The following AP3D1 variants were observed in gnomAD, a reference collection of about 807,000 sequenced individuals.
AP3D1 encodes AP-3 complex subunit delta-1.
AP3D1 carries 51 observed loss-of-function variants against 147.6 expected under a neutral mutation model. The observed-to-expected ratio is 0.35, with a 90% CI of 0.28 to 0.44. The LOEUF is 0.44. Ranked by LOEUF, AP3D1 falls within the 20% of genes least tolerant of loss-of-function variation. AP3D1 has a pLI of 1.00. For synonymous variants in AP3D1, 760 were observed against 663.0 expected (o/e 1.15, Z -2.25); for missense variants, 1,421 against 1,624.2 (o/e 0.87, Z 2.15).
At chr19:2,160,143 C>T (rs921287259) in intron 1 of AP3D1, among the ~76,000 whole-genome samples, 26 of 152,316 alleles carry the variant, frequency 1.7e-4, no homozygotes, top group African/African-American at 6.3e-4. Context: ...GCCACCGTGC[C>T]CAGCCTTCTA....
chr19:2,114,544 A>C (rs1345886807), intron 21 of AP3D1, among the ~76,000 whole-genome samples: 1 of 152,024 alleles, frequency 6.6e-6, no homozygotes, highest in Non-Finnish European at 1.5e-5. Flanking sequence ...AGGCCTGGAG[A>C]CTTCAGAGTC....
intron 8 of AP3D1, among the ~76,000 whole-genome samples, chr19:2,127,588 G>A (rs781653614): frequency 2.0e-5 from 3 of 152,118 alleles, no homozygotes; most frequent in Admixed American, 6.5e-5. Flanking sequence ...GCAATGGCGC[G>A]GCCTCGGCTC....
In AP3D1 at chr19:2,109,857, T is replaced by A. The variant is rs377305286; in HGVS notation, c.3350+16A>T. 58 of 1,611,336 alleles carry A rather than the reference T, an allele frequency of 3.6e-5. No individual in the cohort carries two copies. Among genetic ancestry groups the A allele is most frequent in the Non-Finnish European group, 4.7e-5 (56 of 1,179,124 alleles). ...GAGGGGGTTCGGGGACATAGGGGAG[T>A]GGGCCTGGGCCCCACCTGTAGCAGG... On this transcript the variant is annotated intron_variant, in intron 29 of 31. Transcript: ENST00000643116.
At chr19:2,113,094 C>T in intron 23 of AP3D1, 127 bp from the exon 24 acceptor site, 1 of 685,040 alleles carries the variant, frequency 1.5e-6, no homozygotes, top group Non-Finnish European at 2.4e-6. Flanking sequence ...CCACAGTGCC[C>T]TCCGAGTGAC....
At chr19:2,110,619 C>A (rs922647358) in intron 27 of AP3D1, 88 bp downstream of exon 27, 1 of 1,367,460 alleles carries the variant, frequency 7.3e-7, no homozygotes, top group Non-Finnish European at 9.8e-7. Context: ...GGGGAGGAAG[C>A]AACAAGAACC....
At chr19:2,136,958 G>A (rs775539472) in intron 4 of AP3D1, 53 bp downstream of exon 4, 19 of 1,507,826 alleles carry the variant, frequency 1.3e-5, no homozygotes, top group Admixed American at 1.2e-4. Flanking sequence ...CAGACGCTCC[G>A]GCAAGGGCAG....
intron 1 of AP3D1, chr19:2,164,320 C>T (rs2019823890): frequency 8.4e-7 from 1 of 1,196,370 alleles, no homozygotes. Context: ...TCCGCCGCCC[C>T]TGGGGACACC....
At chr19:2,136,423 C>T (rs1485527960) in intron 4 of AP3D1, among the ~76,000 whole-genome samples, 1 of 152,210 alleles carries the variant, frequency 6.6e-6, no homozygotes, top group Non-Finnish European at 1.5e-5. Context: ...AGAAAGGGGC[C>T]AGCTGCCCAT....
At position 2,110,229 on chromosome 19, in the gene AP3D1, C is replaced by T. The variant is rs759526338; in HGVS notation, c.3176-5G>A. The T allele has an allele frequency of 1.9e-5, 30 of 1,610,818 alleles. 2 individuals are homozygous for T. The highest frequency in any genetic ancestry group is 6.7e-5 in the East Asian group (3 of 44,872). On this transcript the variant is annotated splice_polypyrimidine_tract_variant and splice_region_variant and intron_variant, in intron 27 of 31. Coordinates refer to ENST00000643116, the MANE Select transcript of AP3D1 (RefSeq NM_001261826.3). The stretch of plus-strand genomic sequence containing the variant: ...ACTGGGCTTCGTTGGAGACGCCTGG[C>T]GGGGGCGAGAGGGAGTGGGGCCTGA...
At chr19:2,150,180 C>T (rs2019468220) in intron 1 of AP3D1, among the ~76,000 whole-genome samples, 1 of 152,252 alleles carries the variant, frequency 6.6e-6, no homozygotes, top group Non-Finnish European at 1.5e-5. Flanking sequence ...CTTCCCTGCC[C>T]TCCTGGGCAC....
At chr19:2,136,724 G>A (rs1372865434) in intron 4 of AP3D1, among the ~76,000 whole-genome samples, 1 of 152,192 alleles carries the variant, frequency 6.6e-6, no homozygotes, top group East Asian at 1.9e-4. Flanking sequence ...AGCTGCGAGT[G>A]GACCCTGGAG....
At chr19:2,164,417 C>G in exon 1 of AP3D1, 1 of 482,212 alleles carries the variant, frequency 2.1e-6, no homozygotes, top group Non-Finnish European at 3.2e-6. Flanking sequence ...CCCGTTGCTT[C>G]CCGGCCGAGG....
chr19:2,107,807 A>T (rs1384623860), intron 31 of AP3D1, among the ~76,000 whole-genome samples: 7 of 152,078 alleles, frequency 4.6e-5, no homozygotes, highest in Non-Finnish European at 8.8e-5. Context: ...AAAGAGACAC[A>T]AACCGTGACC....
At chr19:2,135,368 T>C (rs2019049745) in intron 4 of AP3D1, among the ~76,000 whole-genome samples, 1 of 151,918 alleles carries the variant, frequency 6.6e-6, no homozygotes, top group Non-Finnish European at 1.5e-5. Flanking sequence ...AAACCCCATC[T>C]CTACTAAAAA....
intron 9 of AP3D1, among the ~76,000 whole-genome samples, chr19:2,124,467 AAAAG>A (rs1428503789): frequency 2.0e-5 from 3 of 152,338 alleles, no homozygotes; most frequent in African/African-American, 7.2e-5. Flanking sequence ...TAACAGCTTT[AAAAG>A]AAAGACATGA....
intron 1 of AP3D1, among the ~76,000 whole-genome samples, chr19:2,144,886 G>C (rs974575808): frequency 1.3e-5 from 2 of 152,148 alleles, no homozygotes; most frequent in Admixed American, 1.3e-4. Flanking sequence ...CTGGGCGACA[G>C]AGGGAGACTA....
chr19:2,151,144 G>C, intron 1 of AP3D1, 95 bp downstream of exon 1: 1 of 1,225,976 alleles, frequency 8.2e-7, no homozygotes, highest in Non-Finnish European at 1.1e-6. Context: ...ACAGAGCCCG[G>C]GCGGGCGGCA....
At chr19:2,153,771 C>T (rs532413728), upstream of AP3D1, among the ~76,000 whole-genome samples, 16 of 152,020 alleles carry the variant, frequency 1.1e-4, no homozygotes, top group African/African-American at 3.1e-4. Context: ...GTAGAGGAAT[C>T]GCTGGGTAAT....
intron 29 of AP3D1, 96 bp from the exon 30 acceptor site, chr19:2,109,303 G>T: frequency 6.9e-7 from 1 of 1,456,690 alleles, no homozygotes. Flanking sequence ...CGCTGCGCTT[G>T]GACACCCTCC....
Sources: gnomAD v4.1 joint callset for allele counts (sites outside exome capture counted in the v4.1 genomes callset) on GRCh38, gnomAD v4.1.1 for gene constraint, MANE v1.5 for transcripts, NCBI Gene and HGNC (gene_info 2026-07-23, HGNC 2026-07-21) for gene names.